Variants in MAP4 observed in about 807,000 individuals in gnomAD.
MAP4 encodes the protein microtubule associated protein 4.
A neutral mutation model predicts 170.2 loss-of-function variants in MAP4; 76 were observed. The ratio of observed to expected loss-of-function variants is 0.45; its 90% CI spans 0.37 to 0.54. MAP4 has a LOEUF of 0.54. Among genes scored for constraint, MAP4 ranks in the 20% least tolerant of loss-of-function variants. The pLI is 0.00. For missense variants in MAP4, 2,506 were observed against 2,748.0 expected (o/e 0.91, Z 1.97); for synonymous variants, 909 against 994.5 (o/e 0.91, Z 1.62).
chr3:47,894,037 T>C (rs918456434), intron 10 of MAP4, among the ~76,000 whole-genome samples: 1 of 152,004 alleles, frequency 6.6e-6, no homozygotes, highest in Non-Finnish European at 1.5e-5. Flanking sequence ...GACACAGGGC[T>C]ACACTCATGA....
At chr3:47,908,256 G>A (rs1346652746) in intron 9 of MAP4, among the ~76,000 whole-genome samples, 1 of 152,066 alleles carries the variant, frequency 6.6e-6, no homozygotes, top group Non-Finnish European at 1.5e-5. Flanking sequence ...AATCTTAAAG[G>A]AATCATCTTC....
intron 19 of MAP4, among the ~76,000 whole-genome samples, chr3:47,854,401 C>G (rs1466609400): frequency 3.3e-5 from 5 of 152,094 alleles, no homozygotes; most frequent in Non-Finnish European, 7.4e-5. Flanking sequence ...GAGGATGGGA[C>G]AGGGGACGGG....
intron 1 of MAP4, among the ~76,000 whole-genome samples, chr3:48,056,920 G>A (rs1422457939): frequency 5.3e-5 from 7 of 132,714 alleles, no homozygotes; most frequent in Non-Finnish European, 8.2e-5. Flanking sequence ...CAGCCGCCCC[G>A]TCCGGGAGGG....
chr3:48,087,801 T>C (rs1285496446), intron 1 of MAP4, among the ~76,000 whole-genome samples: 1 of 151,344 alleles, frequency 6.6e-6, no homozygotes, highest in Non-Finnish European at 1.5e-5. Flanking sequence ...TGCAATGCTA[T>C]GCAACCAGGG....
intron 1 of MAP4, among the ~76,000 whole-genome samples, chr3:48,045,551 C>T (rs2100124043): frequency 6.6e-6 from 1 of 152,132 alleles, no homozygotes; most frequent in Admixed American, 6.6e-5. Flanking sequence ...AAAACATCCC[C>T]TCCCCCAGCG....
Position 47,909,753 on chromosome 3 carries a change from G to A in MAP4, c.4668C>T (p.His1556=), listed in dbSNP as rs2100035006. 6.2e-7 allele frequency: 1 copy of A among 1,613,962 alleles called. No individual in the cohort carries two copies. Among genetic ancestry groups the A allele is most frequent in the Non-Finnish European group, 8.5e-7 (1 of 1,179,888 alleles). ...GHVIGESESV[H]SGASKHSVEK... is the part of the protein sequence containing the mutation. ...CTACTGAATGCTTAGACGCACCACT[G>A]TGCACTGACTCAGATTCTCCTATCA... Residue 1556 remains histidine (H), a synonymous_variant, in exon 9 of 21, where the codon CAC becomes CAT. Coordinates refer to ENST00000683076, the MANE Select transcript of MAP4 (RefSeq NM_001385682.1).
At position 48,059,371 on chromosome 3, in the gene MAP4, C is replaced by T. The variant is rs571342965; in HGVS notation, c.-20+29402G>A. On this transcript the variant is annotated intron_variant, in intron 1 of 18. Transcript: ENST00000360240. ...TTCTACTAAAATACAAAAAATTAGCCAGGCATGGTGGCGTGCGCCTGTAGT... is the reference window on the plus strand; with the variant it reads ...TTCTACTAAAATACAAAAAATTAGCTAGGCATGGTGGCGTGCGCCTGTAGT... 1.0e-3 allele frequency among the ~76,000 whole-genome samples: 153 copies of T among 151,414 alleles called. 1 individual carries two copies. The highest frequency in any genetic ancestry group is 3.6e-3 in the African/African-American group (147 of 41,276).
chr3:48,031,884 CACACACAT>C (rs1192183815), intron 1 of MAP4, among the ~76,000 whole-genome samples: 1 of 151,926 alleles, frequency 6.6e-6, no homozygotes, highest in African/African-American at 2.4e-5. Flanking sequence ...CACACATACA[CACACACAT>C]ACACACACAC....
intron 1 of MAP4, among the ~76,000 whole-genome samples, chr3:48,063,759 A>G (rs967155755): frequency 6.6e-6 from 1 of 152,228 alleles, no homozygotes; most frequent in African/African-American, 2.4e-5. Flanking sequence ...AAGGCTATAT[A>G]CTGTATAATT....
chr3:48,024,793 T>C (rs938731263), intron 1 of MAP4, among the ~76,000 whole-genome samples: 3 of 152,176 alleles, frequency 2.0e-5, no homozygotes, highest in Non-Finnish European at 2.9e-5. Context: ...TGATGAACAA[T>C]GAGCTTTCCA....
intron 3 of MAP4, among the ~76,000 whole-genome samples, chr3:47,943,509 T>C (rs1173751568): frequency 1.3e-5 from 2 of 151,884 alleles, no homozygotes; most frequent in African/African-American, 4.8e-5. Flanking sequence ...CCACTGAGAC[T>C]GAGGCAGAAG....
chr3:47,961,979 A>T (rs866443488), intron 3 of MAP4, among the ~76,000 whole-genome samples: 4 of 152,198 alleles, frequency 2.6e-5, no homozygotes, highest in Admixed American at 1.3e-4. Context: ...AGATGCTGAC[A>T]AAAGTAACCT....
chr3:47,871,887 G>C, intron 13 of MAP4, 30 bp downstream of exon 13: 1 of 1,584,780 alleles, frequency 6.3e-7, no homozygotes, highest in Non-Finnish European at 8.6e-7. Flanking sequence ...CCCCTCCCTA[G>C]TTCCCATGGG....
intron 9 of MAP4, among the ~76,000 whole-genome samples, chr3:47,905,174 A>G (rs540805188): frequency 1.3e-5 from 2 of 152,352 alleles, no homozygotes; most frequent in African/African-American, 4.8e-5. Context: ...GCTGTTCGAC[A>G]GAAAAACTCG....
At chr3:48,065,492 G>A (rs1266485870) in intron 1 of MAP4, among the ~76,000 whole-genome samples, 1 of 151,902 alleles carries the variant, frequency 6.6e-6, no homozygotes, top group Non-Finnish European at 1.5e-5. Flanking sequence ...TCAAGGCCCT[G>A]GGCCCTCCCA....
At chr3:47,868,071 C>T (rs1202500559) in intron 16 of MAP4, among the ~76,000 whole-genome samples, 1 of 152,148 alleles carries the variant, frequency 6.6e-6, no homozygotes, top group African/African-American at 2.4e-5. Context: ...CTGTGAGATG[C>T]CCATGCGGAA....
At chr3:47,987,787 T>C (rs1321594031) in intron 2 of MAP4, among the ~76,000 whole-genome samples, 1 of 152,232 alleles carries the variant, frequency 6.6e-6, no homozygotes, top group Non-Finnish European at 1.5e-5. Context: ...ATCAAGGCCT[T>C]ATACTTTAGG....
chr3:47,893,951 C>T (rs1278285729), intron 10 of MAP4, among the ~76,000 whole-genome samples: 3 of 152,132 alleles, frequency 2.0e-5, no homozygotes, highest in Admixed American at 1.3e-4. Context: ...CTCACCTTCT[C>T]TATTCATACC....
intron 1 of MAP4, among the ~76,000 whole-genome samples, chr3:48,040,347 C>A (rs1279630010): frequency 6.6e-6 from 1 of 152,130 alleles, no homozygotes; most frequent in Admixed American, 6.5e-5. Flanking sequence ...CGGCTCACTG[C>A]AAGCTCCGCC....
Sources: allele counts gnomAD v4.1 joint callset (sites outside exome capture counted in the v4.1 genomes callset), GRCh38; gene constraint gnomAD v4.1.1; transcripts MANE v1.5; gene names NCBI Gene and HGNC (gene_info 2026-07-23, HGNC 2026-07-21).